SLC9C1: variants seen among roughly 807,000 people sequenced by gnomAD.
The protein encoded by SLC9C1 is sodium/hydrogen exchanger 10.
A neutral mutation model predicts 140.9 loss-of-function variants in SLC9C1; 97 were observed. The observed-to-expected ratio is 0.69, with a 90% CI of 0.58 to 0.82. The LOEUF (loss-of-function observed/expected upper bound fraction) is 0.82, where lower values mean the gene tolerates loss of function less well. Among genes scored for constraint, SLC9C1 ranks in the 40% least tolerant of loss-of-function variants. The probability of loss-of-function intolerance (pLI) is 0.00; values close to 1 mark genes in which losing one functional copy is unlikely to be tolerated. For missense variants in SLC9C1, 1,340 were observed against 1,389.3 expected (o/e 0.96, Z 0.56); for synonymous variants, 440 against 442.6 (o/e 0.99, Z 0.07).
chr3:112,153,889 T>C (rs1023568581), intron 27 of SLC9C1, among the ~76,000 whole-genome samples: 3 of 152,192 alleles, frequency 2.0e-5, no homozygotes, highest in Non-Finnish European at 4.4e-5. Context: ...GAGGAAACTT[T>C]TTCCCAAGAA....
intron 12 of SLC9C1, among the ~76,000 whole-genome samples, chr3:112,233,452 T>C (rs2078890073): frequency 6.6e-6 from 1 of 152,160 alleles, no homozygotes. Flanking sequence ...ATAAAACATA[T>C]ATTTTATTTT....
At chr3:112,221,595 A>G (rs141145753) in intron 13 of SLC9C1, among the ~76,000 whole-genome samples, 1 of 152,116 alleles carries the variant, frequency 6.6e-6, no homozygotes, top group South Asian at 2.1e-4. Flanking sequence ...CCTACTATAC[A>G]TCTTTATTTA....
At chr3:112,145,756 CAA>C (rs1307690460) in intron 28 of SLC9C1, among the ~76,000 whole-genome samples, 1 of 151,806 alleles carries the variant, frequency 6.6e-6, no homozygotes, top group Admixed American at 6.6e-5. Flanking sequence ...TGTTTCCACC[CAA>C]ATCTCATCTT....
chr3:112,216,623 C>T (rs1187512184), intron 15 of SLC9C1, among the ~76,000 whole-genome samples: 2 of 152,124 alleles, frequency 1.3e-5, no homozygotes, highest in Non-Finnish European at 2.9e-5. Flanking sequence ...TCATCACTCG[C>T]CATCAGAGAA....
intron 10 of SLC9C1, among the ~76,000 whole-genome samples, chr3:112,250,039 A>C: frequency 6.6e-6 from 1 of 151,208 alleles, no homozygotes; most frequent in African/African-American, 2.4e-5. Flanking sequence ...CATTAGGTAT[A>C]TCTCCTAATG....
In SLC9C1 at chr3:112,183,344, C is replaced by CTTTTTTTTTTTTTTTTTTT. The variant is rs1159788975; in HGVS notation, c.2524-1087_2524-1086insAAAAAAAAAAAAAAAAAAA. On this transcript the variant is annotated intron_variant, in intron 20 of 28. Coordinates refer to ENST00000305815, the MANE Select transcript of SLC9C1 (RefSeq NM_183061.3). ...AGCTTACGACAATGATATTTAGCAC[C>CTTTTTTTTTTTTTTTTTTT]TTTTCTTTTTTTTTTTTTTTTTTTT... 3.3e-3 allele frequency among the ~76,000 whole-genome samples: 68 copies of CTTTTTTTTTTTTTTTTTTT among 20,908 alleles called. 1 individual carries two copies. The highest frequency in any genetic ancestry group is 3.7e-3 in the Non-Finnish European group (46 of 12,278). The allele number at this position is 20,908 out of a possible 152,430, so 13.7% of individuals were successfully genotyped here.
chr3:112,235,212 G>A (rs13092158), intron 12 of SLC9C1, among the ~76,000 whole-genome samples: 4,415 of 72,142 alleles, frequency 0.061, 308 homozygotes, highest in East Asian at 0.11. Flanking sequence ...TTGGATTCCT[G>A]GGTATTTTAT....
intron 26 of SLC9C1, among the ~76,000 whole-genome samples, chr3:112,163,195 T>A (rs371427939): frequency 6.8e-6 from 1 of 146,576 alleles, no homozygotes; most frequent in South Asian, 2.3e-4. Flanking sequence ...GCGGTCTATC[T>A]ATTTTGTTGA....
intron 26 of SLC9C1, among the ~76,000 whole-genome samples, chr3:112,161,858 G>T (rs1351861922): frequency 6.7e-6 from 1 of 149,476 alleles, no homozygotes; most frequent in Non-Finnish European, 1.5e-5. Context: ...AATTACCTTG[G>T]GCAGTATGGC....
At chr3:112,233,970 T>A (rs937558109) in intron 12 of SLC9C1, among the ~76,000 whole-genome samples, 10 of 152,202 alleles carry the variant, frequency 6.6e-5, no homozygotes, top group South Asian at 2.1e-4. Flanking sequence ...TAGCAGCATG[T>A]TTTATAATCC....
chr3:112,288,395 G>A (rs1402271335), intron 1 of SLC9C1, among the ~76,000 whole-genome samples: 1 of 151,888 alleles, frequency 6.6e-6, no homozygotes. Context: ...TCTTATTATT[G>A]TATCACCAGC....
intron 26 of SLC9C1, among the ~76,000 whole-genome samples, chr3:112,164,656 G>C (rs2077079795): frequency 6.6e-6 from 1 of 151,470 alleles, no homozygotes; most frequent in African/African-American, 2.4e-5. Flanking sequence ...TTAGTCGGAT[G>C]GGCTTCCCTT....
rs186329089 is a variant in SLC9C1 at position 112,165,083 on chromosome 3, G to A, written c.3364+2138C>T. On this transcript the variant is annotated intron_variant, in intron 26 of 28. Coordinates refer to ENST00000305815, the MANE Select transcript of SLC9C1 (RefSeq NM_183061.3). The stretch of plus-strand genomic sequence containing the variant: ...TCAAATCGGCTACTGAGGCTTGTGC[G>A]TTCATCACGTAGTTCTTGTGCCATG... Among the ~76,000 whole-genome samples, 389 of 139,320 alleles carry A rather than the reference G, an allele frequency of 2.8e-3. 1 individual carries two copies. Among genetic ancestry groups the A allele is most frequent in the Non-Finnish European group, 4.2e-3 (267 of 63,384 alleles). The allele number at this position is 139,320 out of a possible 152,430, so 91.4% of individuals were successfully genotyped here. A position where few individuals can be genotyped will look rare whatever the true frequency, so the allele number is the denominator to read the frequency against.
intron 10 of SLC9C1, among the ~76,000 whole-genome samples, chr3:112,245,542 G>A (rs1226057605): frequency 6.6e-6 from 1 of 151,502 alleles, no homozygotes; most frequent in African/African-American, 2.4e-5. Flanking sequence ...CACCATATAT[G>A]TGAGTCTTTT....
intron 20 of SLC9C1, among the ~76,000 whole-genome samples, chr3:112,188,895 G>T (rs2077592080): frequency 6.6e-6 from 1 of 152,172 alleles, no homozygotes; most frequent in Non-Finnish European, 1.5e-5. Flanking sequence ...TCCAGCATCT[G>T]TTGTTTCCTG....
At chr3:112,190,950 CACACACACACACACAT>C (rs980509061) in intron 20 of SLC9C1, among the ~76,000 whole-genome samples, 5 of 145,034 alleles carry the variant, frequency 3.4e-5, no homozygotes, top group African/African-American at 5.0e-5. Context: ...CACACACACA[CACACACACACACACAT>C]ATATATATAT....
rs780309102 is a variant in SLC9C1 at position 112,286,717 on chromosome 3, G to A, written c.75C>T (p.Ile25=). The change falls in exon 2 of 29, where the codon ATC becomes ATT. Residue 25 remains isoleucine, a synonymous_variant. Coordinates refer to ENST00000305815, the MANE Select transcript of SLC9C1 (RefSeq NM_183061.3). ...AGTGATACTTACCTCCAATGGAGCT[G>A]ATCAAAGACAATGTTAGAATGACTT... ...LPEVILTLSL[I]SSIGAFLNRH... is the part of the protein sequence containing the mutation. The A allele has an allele frequency of 6.2e-7, 1 of 1,612,244 alleles. No individual in the cohort carries two copies. Among genetic ancestry groups the A allele is most frequent in the Non-Finnish European group, 8.5e-7 (1 of 1,179,146 alleles).
intron 1 of SLC9C1, among the ~76,000 whole-genome samples, chr3:112,288,060 AAAAAGG>A (rs1203031880): frequency 1.3e-5 from 2 of 151,142 alleles, no homozygotes; most frequent in African/African-American, 4.8e-5. Flanking sequence ...AAAAAAAAAA[AAAAAGG>A]AAAAGGAAAA....
At chr3:112,211,044 G>T (rs772491187) in intron 15 of SLC9C1, among the ~76,000 whole-genome samples, 3 of 151,986 alleles carry the variant, frequency 2.0e-5, no homozygotes, top group Non-Finnish European at 2.9e-5. Context: ...TTAGTAACAG[G>T]TATAAAAAAT....
Sources: gnomAD v4.1 joint callset for allele counts (sites outside exome capture counted in the v4.1 genomes callset) on GRCh38, gnomAD v4.1.1 for gene constraint, MANE v1.5 for transcripts, NCBI Gene and HGNC (gene_info 2026-07-23, HGNC 2026-07-21) for gene names.